CADPS: variants seen among roughly 807,000 people sequenced by gnomAD.
CADPS encodes the protein calcium dependent secretion activator, also known as calcium-dependent secretion activator 1.
In CADPS, 57 loss-of-function variants were observed where a neutral mutation model predicts 167.3. The ratio of observed to expected loss-of-function variants is 0.34; its 90% CI spans 0.28 to 0.42. The LOEUF (loss-of-function observed/expected upper bound fraction) is 0.42. CADPS is among the 20% of genes least tolerant of loss of function. The probability of loss-of-function intolerance (pLI) is 1.00; values close to 1 mark genes in which losing one functional copy is unlikely to be tolerated. For synonymous variants in CADPS, 676 were observed against 635.3 expected (o/e 1.06, Z -0.96); for missense variants, 1,414 against 1,738.1 (o/e 0.81, Z 3.32).
chr3:62,575,128 AAAAC>A (rs1206236833), intron 8 of CADPS, among the ~76,000 whole-genome samples: 1 of 152,234 alleles, frequency 6.6e-6, no homozygotes, highest in East Asian at 1.9e-4. Flanking sequence ...GAGATTTGCA[AAAAC>A]GAATATAGCT....
At chr3:62,416,076 C>G (rs2050007132) in intron 28 of CADPS, among the ~76,000 whole-genome samples, 1 of 152,066 alleles carries the variant, frequency 6.6e-6, no homozygotes, top group Admixed American at 6.6e-5. Context: ...TTCCTTGCTG[C>G]CCTATTTAAT....
chr3:62,621,218 C>G (rs1255286359), intron 6 of CADPS, among the ~76,000 whole-genome samples: 3 of 152,132 alleles, frequency 2.0e-5, no homozygotes, highest in Admixed American at 1.3e-4. Context: ...TGGTGCCATT[C>G]CCATGTCCAG....
At chr3:62,647,142 T>C (rs948674765) in intron 5 of CADPS, among the ~76,000 whole-genome samples, 15 of 152,178 alleles carry the variant, frequency 9.9e-5, no homozygotes, top group African/African-American at 2.9e-4. Context: ...AGATATACAA[T>C]TAGTCCTTAT....
intron 7 of CADPS, among the ~76,000 whole-genome samples, chr3:62,587,138 T>C (rs1027234362): frequency 6.6e-6 from 1 of 152,244 alleles, no homozygotes; most frequent in Non-Finnish European, 1.5e-5. Context: ...ACCATTTTCT[T>C]GTTTGCCAGG....
At chr3:62,416,758 G>C (rs986160733) in intron 28 of CADPS, among the ~76,000 whole-genome samples, 2 of 152,184 alleles carry the variant, frequency 1.3e-5, no homozygotes, top group Admixed American at 6.5e-5. Context: ...CTTCCTGGGG[G>C]ACCATTGCTA....
intron 1 of CADPS, among the ~76,000 whole-genome samples, chr3:62,790,101 T>G (rs2092802336): frequency 6.6e-6 from 1 of 152,182 alleles, no homozygotes; most frequent in Non-Finnish European, 1.5e-5. Context: ...TTTTTGATAT[T>G]ATCATATAAT....
chr3:62,605,279 C>T (rs944223967), intron 6 of CADPS, among the ~76,000 whole-genome samples: 2 of 151,558 alleles, frequency 1.3e-5, no homozygotes, highest in East Asian at 1.9e-4. Flanking sequence ...AGAGACAGAA[C>T]AACAGCCTCT....
At chr3:62,658,293 C>T (rs1242148316) in intron 4 of CADPS, among the ~76,000 whole-genome samples, 1 of 152,098 alleles carries the variant, frequency 6.6e-6, no homozygotes, top group Non-Finnish European at 1.5e-5. Flanking sequence ...ATTGCACAGC[C>T]AGTGTCTGAC....
At chr3:62,819,782 T>C (rs1048832596) in intron 1 of CADPS, among the ~76,000 whole-genome samples, 1 of 152,194 alleles carries the variant, frequency 6.6e-6, no homozygotes, top group Non-Finnish European at 1.5e-5. Context: ...TCTGTACACG[T>C]TGTCATACAT....
intron 3 of CADPS, among the ~76,000 whole-genome samples, chr3:62,742,408 T>C (rs536146294): frequency 3.9e-5 from 6 of 152,210 alleles, no homozygotes; most frequent in Non-Finnish European, 5.9e-5. Flanking sequence ...AAAACAGCAT[T>C]GTACTTGTAG....
intron 1 of CADPS, among the ~76,000 whole-genome samples, chr3:62,870,498 C>T (rs141847229): frequency 1.3e-5 from 2 of 152,240 alleles, no homozygotes; most frequent in African/African-American, 4.8e-5. Flanking sequence ...GAAAGAATTT[C>T]TATGGCTATG....
At chr3:62,867,997 G>A (rs2082016984) in intron 1 of CADPS, among the ~76,000 whole-genome samples, 1 of 151,982 alleles carries the variant, frequency 6.6e-6, no homozygotes, top group South Asian at 2.1e-4. Context: ...CTTAACCACT[G>A]TCCTTCACTG....
At chr3:62,444,267 A>G (rs2056847883) in intron 27 of CADPS, among the ~76,000 whole-genome samples, 1 of 152,180 alleles carries the variant, frequency 6.6e-6, no homozygotes, top group South Asian at 2.1e-4. Flanking sequence ...ATGTCTGCAA[A>G]TTCATCCCCC....
chr3:62,533,119 T>G, intron 12 of CADPS, 61 bp from the exon 13 acceptor site: 3 of 1,483,342 alleles, frequency 2.0e-6, no homozygotes, highest in Non-Finnish European at 2.8e-6. Flanking sequence ...GGAGAGCTGC[T>G]AGAGTTGGGA....
chr3:62,713,404 G>A (rs1379373919), intron 3 of CADPS, among the ~76,000 whole-genome samples: 2 of 152,128 alleles, frequency 1.3e-5, no homozygotes, highest in East Asian at 1.9e-4. Flanking sequence ...GCCCACCAAG[G>A]CCTTGTCAAT....
intron 9 of CADPS, among the ~76,000 whole-genome samples, chr3:62,559,380 T>C (rs2078744600): frequency 6.6e-6 from 1 of 152,166 alleles, no homozygotes; most frequent in Non-Finnish European, 1.5e-5. Flanking sequence ...TTACAGGGGA[T>C]TCCAAGTACA....
At chr3:62,579,624 G>A (rs1268311954) in intron 8 of CADPS, among the ~76,000 whole-genome samples, 2 of 152,116 alleles carry the variant, frequency 1.3e-5, no homozygotes, top group African/African-American at 4.8e-5. Context: ...CCAGGACAAG[G>A]GTCTTGAGAT....
intron 11 of CADPS, among the ~76,000 whole-genome samples, chr3:62,545,544 G>C (rs1330011602): frequency 1.3e-5 from 2 of 152,028 alleles, no homozygotes; most frequent in Non-Finnish European, 2.9e-5. Flanking sequence ...GAACAAAAAA[G>C]TTTTAAAGGT....
At chr3:62,712,988 C>G (rs1219960760) in intron 3 of CADPS, among the ~76,000 whole-genome samples, 1 of 152,166 alleles carries the variant, frequency 6.6e-6, no homozygotes, top group African/African-American at 2.4e-5. Flanking sequence ...CTAGAGTAAC[C>G]ACATCAGGAC....
Sources: gnomAD v4.1 joint callset for allele counts (sites outside exome capture counted in the v4.1 genomes callset) on GRCh38, gnomAD v4.1.1 for gene constraint, MANE v1.5 for transcripts, NCBI Gene and HGNC (gene_info 2026-07-23, HGNC 2026-07-21) for gene names.